The following ARPP21 variants were observed in gnomAD, a reference collection of about 807,000 sequenced individuals.
ARPP21 encodes the protein cAMP regulated phosphoprotein 21, also known as cAMP-regulated phosphoprotein 21.
ARPP21 carries 69 observed loss-of-function variants against 113.2 expected under a neutral mutation model. That is an observed-to-expected ratio of 0.61 (90% CI 0.50 to 0.74). The LOEUF is 0.74. ARPP21 is among the 30% of genes least tolerant of loss of function. ARPP21 has a pLI of 0.00. For missense variants in ARPP21, 1,070 were observed against 1,037.4 expected (o/e 1.03, Z -0.43); for synonymous variants, 368 against 375.5 (o/e 0.98, Z 0.23).
intron 19 of ARPP21, among the ~76,000 whole-genome samples, chr3:35,780,890 CAG>C (rs1414871408): frequency 6.6e-6 from 1 of 151,964 alleles, no homozygotes; most frequent in Non-Finnish European, 1.5e-5. Flanking sequence ...CAATCAGAGA[CAG>C]AGGCGAGATG....
chr3:35,670,419 C>T (rs1268813696), intron 1 of ARPP21, among the ~76,000 whole-genome samples: 1 of 152,062 alleles, frequency 6.6e-6, no homozygotes, highest in East Asian at 1.9e-4. Flanking sequence ...AGTCTTACAG[C>T]AGGCAGGGGA....
At chr3:35,751,762 T>G (rs1576627104) in intron 19 of ARPP21, among the ~76,000 whole-genome samples, 1 of 152,026 alleles carries the variant, frequency 6.6e-6, no homozygotes. Flanking sequence ...CCAGAGAGGG[T>G]CTTCTGCTAC....
chr3:35,794,099 A>C lies in ARPP21; in HGVS notation c.*141A>C, dbSNP rs1456835612. On this transcript the variant is annotated 3_prime_UTR_variant, in exon 21 of 21. Transcript: ENST00000684406. Reference sequence around the variant, plus strand: ...TGCTGGTATTCTGTAAAAAATAAACAAAGACTAATATACACGTTAGCTGGT... The same window carrying C: ...TGCTGGTATTCTGTAAAAAATAAACCAAGACTAATATACACGTTAGCTGGT... 2.6e-6 allele frequency: 2 copies of C among 757,076 alleles called. No individual in the cohort carries two copies. Among genetic ancestry groups the C allele is most frequent in the Non-Finnish European group, 4.3e-6 (2 of 467,654 alleles). The allele number at this position is 757,076 out of a possible 1,614,324, so 46.9% of individuals were successfully genotyped here.
intron 9 of ARPP21, among the ~76,000 whole-genome samples, chr3:35,694,151 T>C (rs2083097057): frequency 6.6e-6 from 1 of 151,582 alleles, no homozygotes; most frequent in Non-Finnish European, 1.5e-5. Context: ...AACTATAGAA[T>C]GTGACTTGAG....
chr3:35,767,685 T>A (rs1370019192), intron 19 of ARPP21, among the ~76,000 whole-genome samples: 1 of 152,198 alleles, frequency 6.6e-6, no homozygotes, highest in Non-Finnish European at 1.5e-5. Context: ...ATATGTCCTA[T>A]CATGAAATTT....
chr3:35,693,471 C>CAA (rs751059849), intron 9 of ARPP21, among the ~76,000 whole-genome samples: 77 of 151,278 alleles, frequency 5.1e-4, no homozygotes, highest in Non-Finnish European at 9.2e-4. Flanking sequence ...TTTTAGCACA[C>CAA]GAAAAAAGAG....
chr3:35,764,937 G>A (rs2095907131), intron 19 of ARPP21, among the ~76,000 whole-genome samples: 1 of 152,018 alleles, frequency 6.6e-6, no homozygotes, highest in South Asian at 2.1e-4. Flanking sequence ...CACTTCACAG[G>A]ATCTGATTTA....
intron 1 of ARPP21, among the ~76,000 whole-genome samples, chr3:35,659,719 G>T (rs972227225): frequency 2.0e-5 from 3 of 152,090 alleles, no homozygotes; most frequent in African/African-American, 7.2e-5. Flanking sequence ...TCATTTTGTT[G>T]GTTAATATAC....
In ARPP21 at chr3:35,794,080, T is replaced by C; in HGVS notation, c.*122T>C. 1 of 869,192 alleles carries C rather than the reference T, an allele frequency of 1.2e-6. No individual in the cohort carries two copies. Among genetic ancestry groups the C allele is most frequent in the South Asian group, 1.7e-5 (1 of 58,742 alleles). 53.8% of individuals were successfully genotyped at this position (869,192 alleles called of 1,614,324 possible). ...TCAACACTCAAATGATTGCTGCTGG[T>C]ATTCTGTAAAAAATAAACAAAGACT... On this transcript the variant is annotated 3_prime_UTR_variant, in exon 21 of 21. Coordinates refer to ENST00000684406, the MANE Select transcript of ARPP21 (RefSeq NM_001385562.1).
intron 1 of ARPP21, among the ~76,000 whole-genome samples, chr3:35,658,235 G>A (rs1705934166): frequency 6.6e-6 from 1 of 152,036 alleles, no homozygotes; most frequent in African/African-American, 2.4e-5. Context: ...AACTGTGTTT[G>A]AATAATTTTT....
chr3:35,668,623 G>A (rs566129833), intron 1 of ARPP21, among the ~76,000 whole-genome samples: 9 of 152,206 alleles, frequency 5.9e-5, no homozygotes, highest in Admixed American at 2.0e-4. Context: ...TTTTACATTT[G>A]CAAATTGCCA....
intron 19 of ARPP21, among the ~76,000 whole-genome samples, chr3:35,747,885 C>G (rs1409357628): frequency 6.7e-6 from 1 of 148,940 alleles, no homozygotes; most frequent in African/African-American, 2.5e-5. Flanking sequence ...GCACTCCAGC[C>G]TAGGTGACAG....
chr3:35,667,677 T>C (rs1349400336), intron 1 of ARPP21, among the ~76,000 whole-genome samples: 1 of 151,996 alleles, frequency 6.6e-6, no homozygotes, highest in Admixed American at 6.6e-5. Context: ...AGAGTCCTTC[T>C]AGTTAATTAA....
At chr3:35,658,300 TTCTC>T (rs1335574195) in intron 1 of ARPP21, among the ~76,000 whole-genome samples, 2 of 152,128 alleles carry the variant, frequency 1.3e-5, no homozygotes, top group Non-Finnish European at 2.9e-5. Context: ...TTTTCTTTCT[TTCTC>T]TTTCTTTCTT....
chr3:35,747,375 A>AAAG (rs1244588114), intron 19 of ARPP21, among the ~76,000 whole-genome samples: 5 of 151,740 alleles, frequency 3.3e-5, no homozygotes, highest in Non-Finnish European at 4.4e-5. Context: ...AAAAAAAAAA[A>AAAG]AAAGAACACT....
At chr3:35,765,230 T>C (rs1030696111) in intron 19 of ARPP21, among the ~76,000 whole-genome samples, 5 of 152,144 alleles carry the variant, frequency 3.3e-5, no homozygotes, top group Admixed American at 3.3e-4. Flanking sequence ...TTTTTCAAGG[T>C]TTACATCTGT....
chr3:35,747,918 A>G (rs911468225), intron 19 of ARPP21, among the ~76,000 whole-genome samples: 3 of 150,326 alleles, frequency 2.0e-5, no homozygotes, highest in Non-Finnish European at 4.4e-5. Context: ...TGAAAAAAGA[A>G]AAAGAAAGAA....
chr3:35,652,037 T>C (rs1183303954), intron 1 of ARPP21: 2 of 152,080 alleles, frequency 1.3e-5, no homozygotes, highest in Non-Finnish European at 2.9e-5. Flanking sequence ...TTTGACCTTT[T>C]ATAAGCTTGG....
intron 1 of ARPP21, among the ~76,000 whole-genome samples, chr3:35,666,519 A>C (rs986510686): frequency 3.8e-4 from 58 of 152,104 alleles, no homozygotes; most frequent in Non-Finnish European, 4.1e-4. Flanking sequence ...ACTAGTTTTA[A>C]AATTTTTGTT....
Sources: gnomAD v4.1 joint callset for allele counts (sites outside exome capture counted in the v4.1 genomes callset) on GRCh38, gnomAD v4.1.1 for gene constraint, MANE v1.5 for transcripts, NCBI Gene and HGNC (gene_info 2026-07-23, HGNC 2026-07-21) for gene names.